PEBP4: variants seen among roughly 807,000 people sequenced by gnomAD.
PEBP4 encodes the protein phosphatidylethanolamine-binding protein 4.
In PEBP4, 22 loss-of-function variants were observed where a neutral mutation model predicts 23.9. The ratio of observed to expected loss-of-function variants is 0.92; its 90% CI spans 0.66 to 1.31. The LOEUF (loss-of-function observed/expected upper bound fraction) is 1.31, where lower values mean the gene tolerates loss of function less well. Among genes scored for constraint, PEBP4 ranks in the 40% most tolerant of loss-of-function variants. PEBP4 has a pLI of 0.00. For missense variants in PEBP4, 324 were observed against 281.7 expected (o/e 1.15, Z -1.07); for synonymous variants, 112 against 99.3 (o/e 1.13, Z -0.76).
chr8:22,838,726 G>GC (rs1807261454), intron 3 of PEBP4, among the ~76,000 whole-genome samples: 2 of 152,268 alleles, frequency 1.3e-5, no homozygotes, highest in African/African-American at 4.8e-5. Flanking sequence ...CTGTGGCTCG[G>GC]CCCCCTCTGC....
chr8:22,759,246 CGG>C (rs1805453235), intron 4 of PEBP4, among the ~76,000 whole-genome samples: 1 of 151,796 alleles, frequency 6.6e-6, no homozygotes, highest in African/African-American at 2.4e-5. Flanking sequence ...CCCGCATAGA[CGG>C]AGGCCCAGGG....
chr8:22,720,154 G>T (rs924444460), intron 6 of PEBP4, among the ~76,000 whole-genome samples: 1 of 152,238 alleles, frequency 6.6e-6, no homozygotes, highest in African/African-American at 2.4e-5. Context: ...CATGGTGGAA[G>T]GGGGGCCGCC....
intron 2 of PEBP4, chr8:22,924,892 A>G: frequency 1.0e-6 from 1 of 985,394 alleles, no homozygotes; most frequent in Non-Finnish European, 1.2e-6. Context: ...AATGTCTCAC[A>G]GCTTGTCACA....
intron 3 of PEBP4, among the ~76,000 whole-genome samples, chr8:22,902,174 CAAAAATTAGCCGGGCTTGG>C: frequency 1.3e-5 from 2 of 151,820 alleles, no homozygotes; most frequent in South Asian, 4.2e-4. Flanking sequence ...ACTAAAAATA[CAAAAATTAGCCGGGCTTGG>C]TGGTGCACGC....
rs553416385 is a variant in PEBP4 at position 22,839,791 on chromosome 8, T to C, written c.259-22056A>G. ...CGGTTCCTTCCCTCCCACTGCCAGC[T>C]CTTCCACGTGAGGGGCCCATCTCAT... On this transcript the variant is annotated intron_variant, in intron 3 of 6. Coordinates refer to ENST00000256404, the MANE Select transcript of PEBP4 (RefSeq NM_144962.3). Among the ~76,000 whole-genome samples the C allele has an allele frequency of 2.0e-5, 3 of 152,266 alleles. No individual in the cohort carries two copies. In the East Asian group the frequency reaches 5.8e-4, roughly 29 times the overall value.
At chr8:22,848,592 A>G (rs1394309867) in intron 3 of PEBP4, among the ~76,000 whole-genome samples, 1 of 152,192 alleles carries the variant, frequency 6.6e-6, no homozygotes, top group Non-Finnish European at 1.5e-5. Context: ...GCACATGGTC[A>G]AATTCCACTT....
intron 4 of PEBP4, among the ~76,000 whole-genome samples, chr8:22,734,992 T>C (rs1804827918): frequency 1.3e-5 from 2 of 152,186 alleles, no homozygotes; most frequent in Admixed American, 1.3e-4. Context: ...GGCCCTTTGT[T>C]CTAGGTCGTG....
At chr8:22,732,387 C>T (rs967161844) in intron 4 of PEBP4, among the ~76,000 whole-genome samples, 9 of 151,984 alleles carry the variant, frequency 5.9e-5, no homozygotes, top group Admixed American at 5.2e-4. Flanking sequence ...GGGAACAACA[C>T]ACACAACTGG....
At chr8:22,777,228 TC>T (rs1194282104) in intron 4 of PEBP4, among the ~76,000 whole-genome samples, 1 of 152,036 alleles carries the variant, frequency 6.6e-6, no homozygotes, top group Non-Finnish European at 1.5e-5. Context: ...CCCCCTGAGT[TC>T]CCCCTCCTCT....
At chr8:22,740,890 G>T (rs1028749693) in intron 4 of PEBP4, among the ~76,000 whole-genome samples, 1 of 152,176 alleles carries the variant, frequency 6.6e-6, no homozygotes, top group Non-Finnish European at 1.5e-5. Flanking sequence ...GAGCCTTGAA[G>T]TTCCTGGGGA....
chr8:22,779,583 G>A (rs1455982309), intron 4 of PEBP4, among the ~76,000 whole-genome samples: 1 of 152,144 alleles, frequency 6.6e-6, no homozygotes, highest in Non-Finnish European at 1.5e-5. Flanking sequence ...GTGGTCCCCC[G>A]ACTCTGTGTC....
At chr8:22,739,245 T>G (rs750045075) in intron 4 of PEBP4, among the ~76,000 whole-genome samples, 46 of 152,178 alleles carry the variant, frequency 3.0e-4, no homozygotes, top group Non-Finnish European at 6.2e-4. Flanking sequence ...CCTCCCGTGC[T>G]GCATGTAGGA....
chr8:22,788,178 A>T (rs1806065517), intron 4 of PEBP4, among the ~76,000 whole-genome samples: 2 of 152,130 alleles, frequency 1.3e-5, no homozygotes, highest in African/African-American at 4.8e-5. Context: ...ACTGGCCAAA[A>T]GGGCAGGTGG....
At chr8:22,796,254 G>A (rs1298181814) in intron 4 of PEBP4, among the ~76,000 whole-genome samples, 1 of 77,698 alleles carries the variant, frequency 1.3e-5, no homozygotes, top group African/African-American at 5.1e-5. Context: ...ATTCTCAAGT[G>A]TGCGTGTGTG....
At chr8:22,773,849 T>G (rs985180565) in intron 4 of PEBP4, among the ~76,000 whole-genome samples, 5 of 152,142 alleles carry the variant, frequency 3.3e-5, no homozygotes, top group Non-Finnish European at 5.9e-5. Context: ...CTTTTCCATC[T>G]TGTTCCTCTA....
chr8:22,722,247 TCTC>T (rs1804533925), intron 6 of PEBP4, among the ~76,000 whole-genome samples: 1 of 151,916 alleles, frequency 6.6e-6, no homozygotes, highest in Admixed American at 6.6e-5. Context: ...AGGATTCAGA[TCTC>T]CTCCTTCTCT....
intron 4 of PEBP4, among the ~76,000 whole-genome samples, chr8:22,773,664 CAGA>C (rs1407769514): frequency 1.3e-5 from 2 of 152,178 alleles, no homozygotes; most frequent in African/African-American, 4.8e-5. Flanking sequence ...AGGCTGCTGC[CAGA>C]AGGACCTGTG....
chr8:22,741,143 C>A (rs888903034), intron 4 of PEBP4, among the ~76,000 whole-genome samples: 1 of 152,144 alleles, frequency 6.6e-6, no homozygotes, highest in African/African-American at 2.4e-5. Flanking sequence ...AACTCTAGGG[C>A]CCTGTCCCAA....
intron 4 of PEBP4, among the ~76,000 whole-genome samples, chr8:22,810,713 TGAGAGA>T (rs1261621853): frequency 7.9e-6 from 1 of 126,282 alleles, no homozygotes; most frequent in African/African-American, 3.2e-5. Context: ...TGTGTGTGTG[TGAGAGA>T]GAGAGAGAGA....
Sources: gnomAD v4.1 joint callset for allele counts (sites outside exome capture counted in the v4.1 genomes callset) on GRCh38, gnomAD v4.1.1 for gene constraint, MANE v1.5 for transcripts, NCBI Gene and HGNC (gene_info 2026-07-23, HGNC 2026-07-21) for gene names.